PRKCH: variants seen among roughly 807,000 people sequenced by gnomAD.
PRKCH encodes the protein protein kinase C eta type.
In PRKCH, 28 loss-of-function variants were observed where a neutral mutation model predicts 82.5. That is an observed-to-expected ratio of 0.34 (90% confidence interval 0.25 to 0.47). The LOEUF (loss-of-function observed/expected upper bound fraction) is 0.47. PRKCH is among the 20% of genes least tolerant of loss of function. The pLI is 1.00. For missense variants in PRKCH, 705 were observed against 881.8 expected, an observed-to-expected ratio of 0.80 and a Z score of 2.54; for synonymous variants, 322 against 327.4, an observed-to-expected ratio of 0.98 and a Z score of 0.18.
intron 1 of PRKCH, among the ~76,000 whole-genome samples, chr14:61,265,885 A>G (rs1278467218): frequency 1.3e-5 from 2 of 152,140 alleles, no homozygotes; most frequent in Non-Finnish European, 2.9e-5. Flanking sequence ...ACTAGAGGTG[A>G]GGAGTTCGAG....
chr14:61,350,165 A>G (rs2046052325), intron 1 of PRKCH, among the ~76,000 whole-genome samples: 1 of 152,018 alleles, frequency 6.6e-6, no homozygotes, highest in African/African-American at 2.4e-5. Context: ...CCCCCATTGT[A>G]TTGTCTTTCT....
intron 1 of PRKCH, among the ~76,000 whole-genome samples, chr14:61,211,438 T>A (rs1413710341): frequency 6.6e-6 from 1 of 152,136 alleles, no homozygotes; most frequent in African/African-American, 2.4e-5. Flanking sequence ...ATGAACACAG[T>A]ACAAAACCAC....
At chr14:61,338,929 TTAAATGA>T (rs2045893588) in intron 1 of PRKCH, among the ~76,000 whole-genome samples, 1 of 152,190 alleles carries the variant, frequency 6.6e-6, no homozygotes, top group Non-Finnish European at 1.5e-5. Flanking sequence ...TGTCAAGATA[TTAAATGA>T]CTGTTCCCAT....
chr14:61,192,584 G>T (rs560070948), intron 1 of PRKCH, among the ~76,000 whole-genome samples: 1 of 152,246 alleles, frequency 6.6e-6, no homozygotes, highest in Admixed American at 6.5e-5. Context: ...AAAGGAAACG[G>T]CTGCAGTGTG....
intron 12 of PRKCH, among the ~76,000 whole-genome samples, chr14:61,532,520 A>G (rs186637031): frequency 2.0e-5 from 3 of 152,314 alleles, no homozygotes; most frequent in Admixed American, 2.0e-4. Context: ...CCTCAACCTC[A>G]TTCTCGTGTT....
intron 1 of PRKCH, among the ~76,000 whole-genome samples, chr14:61,215,119 T>A (rs1311413504): frequency 1.3e-5 from 2 of 152,224 alleles, no homozygotes; most frequent in Non-Finnish European, 2.9e-5. Flanking sequence ...CCGTGATGGT[T>A]CATTGCATCT....
At chr14:61,297,407 G>A (rs8022325) in intron 1 of PRKCH, among the ~76,000 whole-genome samples, 4,252 of 152,246 alleles carry the variant, frequency 0.028, 107 homozygotes, top group East Asian at 0.067. Context: ...TGAGTCAAAT[G>A]AGAGAATACA....
At chr14:61,262,219 T>TAAAAAAAAA (rs1297799647) in intron 1 of PRKCH, among the ~76,000 whole-genome samples, 30 of 106,530 alleles carry the variant, frequency 2.8e-4, no homozygotes, top group African/African-American at 4.1e-4. Context: ...AGACTCTGTA[T>TAAAAAAAAA]AAAAAAAAAA....
In PRKCH at chr14:61,450,950, C is replaced by T; in HGVS notation, c.811C>T (p.Arg271Ter). The T allele has an allele frequency of 6.2e-7, 1 of 1,613,950 alleles. No homozygotes were observed. Among genetic ancestry groups the T allele is most frequent in the Non-Finnish European group, 8.5e-7 (1 of 1,179,900 alleles). ...HCGSLLWGIM[R>*]QGLQCKICKM... Reference sequence around the variant, plus strand: ...TGGCTCACTGCTCTGGGGAATAATGCGACAAGGACTTCAGTGTAAAAGTGA... The same window carrying T: ...TGGCTCACTGCTCTGGGGAATAATGTGACAAGGACTTCAGTGTAAAAGTGA... Residue 271 changes from arginine to a stop codon, truncating the protein, a stop_gained, in exon 6 of 14, where the codon CGA becomes TGA. Transcript: ENST00000332981. LOFTEE classifies it high-confidence loss of function.
chr14:61,192,744 C>T (rs971907229), intron 1 of PRKCH, among the ~76,000 whole-genome samples: 2 of 152,176 alleles, frequency 1.3e-5, no homozygotes, highest in African/African-American at 4.8e-5. Context: ...TTGGCTAAGG[C>T]CAACCAAATG....
At chr14:61,353,018 T>C (rs985416254) in intron 1 of PRKCH, among the ~76,000 whole-genome samples, 2 of 152,202 alleles carry the variant, frequency 1.3e-5, no homozygotes, top group Admixed American at 1.3e-4. Context: ...AACATGGATA[T>C]TCACACTAAG....
At chr14:61,284,996 A>G (rs1178716105) in intron 1 of PRKCH, among the ~76,000 whole-genome samples, 3 of 152,166 alleles carry the variant, frequency 2.0e-5, no homozygotes, top group Non-Finnish European at 4.4e-5. Flanking sequence ...TAGGTCTATC[A>G]TATTTAACTA....
chr14:61,286,282 C>A (rs1441114033), intron 1 of PRKCH, among the ~76,000 whole-genome samples: 1 of 152,076 alleles, frequency 6.6e-6, no homozygotes, highest in African/African-American at 2.4e-5. Context: ...TAAAAAAATT[C>A]TTTGTGCCTG....
At chr14:61,295,853 A>G (rs958460754) in intron 1 of PRKCH, among the ~76,000 whole-genome samples, 1 of 152,030 alleles carries the variant, frequency 6.6e-6, no homozygotes, top group African/African-American at 2.4e-5. Context: ...TAAATAACTT[A>G]TATTTTCACC....
intron 1 of PRKCH, among the ~76,000 whole-genome samples, chr14:61,234,702 A>C (rs1423564124): frequency 6.6e-6 from 1 of 152,238 alleles, no homozygotes; most frequent in Non-Finnish European, 1.5e-5. Flanking sequence ...AAATTCATGC[A>C]ATATCATCTG....
intron 10 of PRKCH, among the ~76,000 whole-genome samples, chr14:61,508,780 G>A (rs1300434286): frequency 2.0e-5 from 3 of 152,100 alleles, no homozygotes; most frequent in African/African-American, 7.3e-5. Context: ...AGTTTATCTT[G>A]TATATGAGGC....
intron 1 of PRKCH, among the ~76,000 whole-genome samples, chr14:61,339,411 C>T (rs1172964209): frequency 1.3e-5 from 2 of 150,804 alleles, no homozygotes; most frequent in Non-Finnish European, 3.0e-5. Context: ...GCAAGCTTTG[C>T]CTCCCGGGTT....
At chr14:61,393,498 C>A (rs1230472841) in intron 2 of PRKCH, among the ~76,000 whole-genome samples, 1 of 152,162 alleles carries the variant, frequency 6.6e-6, no homozygotes, top group African/African-American at 2.4e-5. Flanking sequence ...GTGTTTTAAG[C>A]CCATTAATTT....
intron 4 of PRKCH, among the ~76,000 whole-genome samples, chr14:61,447,132 G>T (rs1024317959): frequency 5.6e-4 from 85 of 152,126 alleles, no homozygotes; most frequent in African/African-American, 1.9e-3. Flanking sequence ...GCAGACTTCA[G>T]AAAAAGGAAA....
Sources: gnomAD v4.1 joint callset for allele counts (sites outside exome capture counted in the v4.1 genomes callset) on GRCh38, gnomAD v4.1.1 for gene constraint, MANE v1.5 for transcripts, NCBI Gene and HGNC (gene_info 2026-07-23, HGNC 2026-07-21) for gene names.